WWOX: variants seen among roughly 807,000 people sequenced by gnomAD.
The protein encoded by WWOX is WW domain containing oxidoreductase, also known as WW domain-containing oxidoreductase.
WWOX carries 69 observed loss-of-function variants against 46.2 expected under a neutral mutation model. That is an observed-to-expected ratio of 1.49 (90% CI 1.23 to 1.82). WWOX has a LOEUF of 1.82. Ranked by LOEUF, WWOX falls within the 40% of genes most tolerant of loss-of-function variation. The pLI is 0.00. For missense variants in WWOX, 919 were observed against 542.6 expected (o/e 1.69, Z -6.89); for synonymous variants, 359 against 202.6 (o/e 1.77, Z -6.56).
chr16:78,807,052 A>G (rs1186828445), intron 8 of WWOX, among the ~76,000 whole-genome samples: 2 of 152,174 alleles, frequency 1.3e-5, no homozygotes, highest in Non-Finnish European at 2.9e-5. Context: ...TGCAAATAAA[A>G]TCTGTAATTT....
intron 8 of WWOX, among the ~76,000 whole-genome samples, chr16:78,730,738 G>T (rs58604107): frequency 0.07 from 10,542 of 151,098 alleles, 1,201 homozygotes; most frequent in African/African-American, 0.24. Context: ...GGGATTACAG[G>T]TATAAACCAC....
At chr16:79,002,010 C>G (rs1448809781) in intron 8 of WWOX, among the ~76,000 whole-genome samples, 1 of 151,954 alleles carries the variant, frequency 6.6e-6, no homozygotes, top group African/African-American at 2.4e-5. Context: ...GATTAGGGGT[C>G]TGGGGTAACC....
At chr16:78,579,682 C>T (rs764997134) in intron 8 of WWOX, among the ~76,000 whole-genome samples, 1 of 152,192 alleles carries the variant, frequency 6.6e-6, no homozygotes, top group Admixed American at 6.5e-5. Context: ...ACATTACCGA[C>T]GGAGAAGTGG....
intron 8 of WWOX, among the ~76,000 whole-genome samples, chr16:78,840,660 T>C (rs11150106): frequency 0.31 from 46,367 of 151,796 alleles, 7,217 homozygotes; most frequent in South Asian, 0.35. Context: ...TAAATTTGGA[T>C]TCTGATTCAG....
chr16:79,009,683 T>A (rs2047264442), intron 8 of WWOX, among the ~76,000 whole-genome samples: 1 of 152,108 alleles, frequency 6.6e-6, no homozygotes, highest in Non-Finnish European at 1.5e-5. Context: ...ACTCCTGACC[T>A]CAGGTGATCC....
In WWOX at chr16:78,509,909, G is replaced by T. The variant is rs377712824; in HGVS notation, c.1056+77157G>T. Among the ~76,000 whole-genome samples the T allele has an allele frequency of 2.5e-4, 35 of 140,960 alleles. No individual in the cohort carries two copies. In the East Asian group the frequency reaches 6.3e-3, roughly 25 times the overall value. 92.5% of individuals were successfully genotyped at this position (140,960 alleles called of 152,430 possible). A position where few individuals can be genotyped will look rare whatever the true frequency, so the allele number is the denominator to read the frequency against. ...TGGAAACCAGCCCAGGCAACATAGT[G>T]AGACCTCATCTCTTTAAAAAAAAAA... is the stretch of plus-strand genomic sequence containing the variant. On this transcript the variant is annotated intron_variant, in intron 8 of 8. Coordinates refer to ENST00000566780, the MANE Select transcript of WWOX (RefSeq NM_016373.4).
intron 5 of WWOX, among the ~76,000 whole-genome samples, chr16:78,254,144 C>T (rs2038060285): frequency 6.6e-6 from 1 of 151,880 alleles, no homozygotes; most frequent in Non-Finnish European, 1.5e-5. Context: ...GATCATGGCT[C>T]ACTGCAGTCT....
chr16:78,254,516 T>TTTTTTTTG (rs1436220393), intron 5 of WWOX, among the ~76,000 whole-genome samples: 5 of 139,210 alleles, frequency 3.6e-5, no homozygotes, highest in African/African-American at 5.6e-5. Flanking sequence ...TTTTTTTTTT[T>TTTTTTTTG]TTTGTTTGAC....
chr16:78,762,958 G>T (rs953057342), intron 8 of WWOX, among the ~76,000 whole-genome samples: 1 of 152,184 alleles, frequency 6.6e-6, no homozygotes, highest in Non-Finnish European at 1.5e-5. Flanking sequence ...ACAACAAAAG[G>T]CTGGGGAAGA....
intron 8 of WWOX, among the ~76,000 whole-genome samples, chr16:78,549,051 A>T (rs181110689): frequency 6.6e-6 from 1 of 152,272 alleles, no homozygotes; most frequent in Admixed American, 6.5e-5. Flanking sequence ...TAAATATTTG[A>T]ACTTATTTTT....
intron 5 of WWOX, among the ~76,000 whole-genome samples, chr16:78,325,444 A>T (rs1342715731): frequency 6.6e-6 from 1 of 152,224 alleles, no homozygotes; most frequent in South Asian, 2.1e-4. Flanking sequence ...AACTGGTGAT[A>T]GTCCATTAGT....
At chr16:79,090,113 T>A (rs2048927913) in intron 8 of WWOX, 1 of 152,174 alleles carries the variant, frequency 6.6e-6, no homozygotes, top group Non-Finnish European at 1.5e-5. Flanking sequence ...AAAGGGGCTT[T>A]AATCAAGCTA....
At chr16:78,768,145 T>C (rs1207345251) in intron 8 of WWOX, among the ~76,000 whole-genome samples, 1 of 123,692 alleles carries the variant, frequency 8.1e-6, no homozygotes, top group Non-Finnish European at 1.8e-5. Flanking sequence ...GTCCCTTTTT[T>C]AGGCTGCGGG....
chr16:79,124,127 T>A (rs1248995380), intron 8 of WWOX, among the ~76,000 whole-genome samples: 2 of 152,154 alleles, frequency 1.3e-5, no homozygotes, highest in African/African-American at 4.8e-5. Flanking sequence ...TCAAGTTGAT[T>A]TTATAAACTT....
chr16:78,828,027 G>A (rs2051711381), intron 8 of WWOX, among the ~76,000 whole-genome samples: 1 of 152,174 alleles, frequency 6.6e-6, no homozygotes, highest in South Asian at 2.1e-4. Flanking sequence ...GGTGTCAAGA[G>A]GTGCACATTG....
intron 8 of WWOX, among the ~76,000 whole-genome samples, chr16:78,965,518 C>A (rs145331738): frequency 6.6e-6 from 1 of 151,102 alleles, no homozygotes; most frequent in Admixed American, 6.6e-5. Flanking sequence ...TGCAGTGAGC[C>A]GAGATGGCAC....
intron 8 of WWOX, among the ~76,000 whole-genome samples, chr16:78,565,177 C>T (rs1450224469): frequency 2.0e-5 from 3 of 152,226 alleles, no homozygotes; most frequent in Non-Finnish European, 4.4e-5. Flanking sequence ...TGAAGTCTAA[C>T]TCCATCACTG....
Position 78,597,752 on chromosome 16 carries a change from TTA to T in WWOX, c.1056+165004_1056+165005del, listed in dbSNP as rs1306649852. Among the ~76,000 whole-genome samples the T allele has an allele frequency of 2.5e-4, 26 of 102,846 alleles. No individual in the cohort carries two copies. In the East Asian group the frequency reaches 7.6e-3, roughly 30 times the overall value. The allele number at this position is 102,846 out of a possible 152,430, so 67.5% of individuals were successfully genotyped here. On this transcript the variant is annotated intron_variant, in intron 8 of 8. Coordinates refer to ENST00000566780, the MANE Select transcript of WWOX (RefSeq NM_016373.4). ...ATGGGAATCATAAATATGAGTTTAT[TTA>T]TATGTGTATATATATATATATATAT...
At chr16:79,186,631 C>A (rs1329815040) in intron 8 of WWOX, among the ~76,000 whole-genome samples, 1 of 152,118 alleles carries the variant, frequency 6.6e-6, no homozygotes, top group Admixed American at 6.5e-5. Flanking sequence ...GCGGTTGGGA[C>A]TTGAACATAT....
Sources: gnomAD v4.1 joint callset for allele counts (sites outside exome capture counted in the v4.1 genomes callset) on GRCh38, gnomAD v4.1.1 for gene constraint, MANE v1.5 for transcripts, NCBI Gene and HGNC (gene_info 2026-07-23, HGNC 2026-07-21) for gene names.